Variants in DAB2IP observed in about 807,000 individuals in gnomAD.
DAB2IP encodes the protein disabled homolog 2-interacting protein.
DAB2IP carries 28 observed loss-of-function variants against 107.2 expected under a neutral mutation model. That is an observed-to-expected ratio of 0.26 (90% CI 0.19 to 0.36). The LOEUF (loss-of-function observed/expected upper bound fraction) is 0.36. Ranked by LOEUF, DAB2IP falls within the 10% of genes least tolerant of loss-of-function variation. The pLI is 1.00. For synonymous variants in DAB2IP, 755 were observed against 706.4 expected, an observed-to-expected ratio of 1.07 and a Z score of -1.09; for missense variants, 1,400 against 1,644.7, an observed-to-expected ratio of 0.85 and a Z score of 2.57.
At chr9:121,667,913 T>C (rs935231846) in intron 1 of DAB2IP, among the ~76,000 whole-genome samples, 4 of 152,214 alleles carry the variant, frequency 2.6e-5, no homozygotes, top group Non-Finnish European at 4.4e-5. Context: ...TCCATGTGGC[T>C]GGGGAGGACT....
chr9:121,712,583 C>T (rs1254394125), intron 3 of DAB2IP, among the ~76,000 whole-genome samples: 1 of 152,092 alleles, frequency 6.6e-6, no homozygotes, highest in Non-Finnish European at 1.5e-5. Flanking sequence ...GTGAATTTTC[C>T]CTCTGACGCA....
chr9:121,579,539 C>G (rs1366912087), intron 1 of DAB2IP, among the ~76,000 whole-genome samples: 1 of 152,134 alleles, frequency 6.6e-6, no homozygotes, highest in East Asian at 1.9e-4. Context: ...ACACCTTTGC[C>G]AGCCCCTACC....
intron 3 of DAB2IP, among the ~76,000 whole-genome samples, chr9:121,718,932 T>C (rs996265642): frequency 2.0e-5 from 3 of 152,204 alleles, no homozygotes; most frequent in Non-Finnish European, 4.4e-5. Flanking sequence ...TTCACTTTGC[T>C]CCTCATTTTT....
intron 10 of DAB2IP, among the ~76,000 whole-genome samples, chr9:121,769,477 T>G: frequency 6.6e-6 from 1 of 152,220 alleles, no homozygotes; most frequent in East Asian, 1.9e-4. Flanking sequence ...TGTGGGCCTC[T>G]TTGCTTGTCA....
intron 1 of DAB2IP, among the ~76,000 whole-genome samples, chr9:121,644,368 A>C (rs1190554756): frequency 2.0e-5 from 3 of 152,156 alleles, no homozygotes; most frequent in Non-Finnish European, 2.9e-5. Flanking sequence ...AGGCTGAGGC[A>C]GGTGGATCAC....
At chr9:121,673,466 G>C (rs569066561) in intron 1 of DAB2IP, among the ~76,000 whole-genome samples, 1 of 152,142 alleles carries the variant, frequency 6.6e-6, no homozygotes, top group Non-Finnish European at 1.5e-5. Context: ...TTCTCAGCAG[G>C]GGCGAGATTG....
chr9:121,696,275 G>C (rs1829425511), intron 2 of DAB2IP, among the ~76,000 whole-genome samples: 1 of 152,342 alleles, frequency 6.6e-6, no homozygotes, highest in African/African-American at 2.4e-5. Flanking sequence ...AGGGGTCTGT[G>C]GAGCTGGGTT....
intron 2 of DAB2IP, among the ~76,000 whole-genome samples, chr9:121,686,229 G>A (rs1828873253): frequency 6.6e-6 from 1 of 152,158 alleles, no homozygotes; most frequent in Admixed American, 6.5e-5. Context: ...GCAGGGGTAG[G>A]GGGAAGAGCC....
At chr9:121,658,490 G>A (rs1833062044) in intron 1 of DAB2IP, among the ~76,000 whole-genome samples, 1 of 152,194 alleles carries the variant, frequency 6.6e-6, no homozygotes, top group Non-Finnish European at 1.5e-5. Flanking sequence ...GAGTGGCGGG[G>A]TGGCTATTTT....
intron 5 of DAB2IP, 58 bp downstream of exon 5, chr9:121,759,054 G>A (rs1833695103): frequency 1.3e-6 from 2 of 1,518,466 alleles, no homozygotes; most frequent in East Asian, 2.3e-5. Context: ...TCAGATAGGA[G>A]GAAACAAGAG....
chr9:121,623,576 C>T (rs543569732), intron 1 of DAB2IP, among the ~76,000 whole-genome samples: 56 of 152,206 alleles, frequency 3.7e-4, no homozygotes, highest in Admixed American at 1.9e-3. Context: ...CTATGTTGCC[C>T]AGGCTGGTCT....
chr9:121,676,251 G>A (rs562524362), intron 1 of DAB2IP, among the ~76,000 whole-genome samples: 5 of 152,318 alleles, frequency 3.3e-5, no homozygotes, highest in African/African-American at 1.2e-4. Context: ...CTGTGTGGAG[G>A]GAATGGCCTG....
At chr9:121,669,344 G>A (rs1431595708) in intron 1 of DAB2IP, among the ~76,000 whole-genome samples, 1 of 152,192 alleles carries the variant, frequency 6.6e-6, no homozygotes, top group Non-Finnish European at 1.5e-5. Context: ...CATAACTATA[G>A]GACGGATCCT....
At chr9:121,773,577 C>T (rs963753124) in intron 12 of DAB2IP, 82 bp downstream of exon 12, 62 of 1,330,420 alleles carry the variant, frequency 4.7e-5, no homozygotes, top group African/African-American at 7.6e-5. Context: ...CTCCTCCTCT[C>T]GGTCATTTCA....
intron 3 of DAB2IP, among the ~76,000 whole-genome samples, chr9:121,716,502 A>G (rs1280516554): frequency 6.6e-6 from 1 of 152,260 alleles, no homozygotes; most frequent in Non-Finnish European, 1.5e-5. Flanking sequence ...TGCAGAGCCC[A>G]GCTCTTTGTC....
rs75959557 is a variant in DAB2IP at position 121,613,409 on chromosome 9, A to G, written c.40+46181A>G. 8.3e-3 allele frequency among the ~76,000 whole-genome samples: 1,263 copies of G among 152,272 alleles called. 17 individuals are homozygous for G. Among genetic ancestry groups the G allele is most frequent in the East Asian group, 0.053 (273 of 5,176 alleles). On this transcript the variant is annotated intron_variant, in intron 1 of 16. Transcript: ENST00000259371. The stretch of plus-strand genomic sequence containing the variant: ...TATCCTTGCTGGAATTTCTCTTTGC[A>G]TTGTTTAGTTAATTACCAAATTGAA...
At chr9:121,730,852 G>C (rs934708375) in intron 3 of DAB2IP, among the ~76,000 whole-genome samples, 2 of 152,210 alleles carry the variant, frequency 1.3e-5, no homozygotes, top group African/African-American at 4.8e-5. Context: ...TGTTGTAGAT[G>C]GGTTGCAGTG....
chr9:121,610,954 T>G (rs567710234), intron 1 of DAB2IP, among the ~76,000 whole-genome samples: 3 of 152,020 alleles, frequency 2.0e-5, no homozygotes, highest in Non-Finnish European at 4.4e-5. Flanking sequence ...TCCTTTTGAG[T>G]GGAGTGACCA....
intron 6 of DAB2IP, among the ~76,000 whole-genome samples, chr9:121,761,777 G>C (rs1833910738): frequency 6.6e-6 from 1 of 152,198 alleles, no homozygotes; most frequent in Non-Finnish European, 1.5e-5. Flanking sequence ...TTAACATGCT[G>C]GTCAACACTG....
Sources: gnomAD v4.1 joint callset for allele counts (sites outside exome capture counted in the v4.1 genomes callset) on GRCh38, gnomAD v4.1.1 for gene constraint, MANE v1.5 for transcripts, NCBI Gene and HGNC (gene_info 2026-07-23, HGNC 2026-07-21) for gene names.